ERC2: variants seen among roughly 807,000 people sequenced by gnomAD.
ERC2 encodes ELKS/RAB6-interacting/CAST family member 2, also known as ERC protein 2.
In ERC2, 42 loss-of-function variants were observed where a neutral mutation model predicts 114.8. The observed-to-expected ratio is 0.37, with a 90% confidence interval of 0.29 to 0.47. The LOEUF (loss-of-function observed/expected upper bound fraction) is 0.47. ERC2 is among the 20% of genes least tolerant of loss of function. The probability of loss-of-function intolerance (pLI) is 0.99; values close to 1 mark genes in which losing one functional copy is unlikely to be tolerated. For synonymous variants in ERC2, 454 were observed against 425.5 expected (o/e 1.07, Z -0.82); for missense variants, 939 against 1,150.7 (o/e 0.82, Z 2.66).
chr3:56,013,298 T>C (rs528220941), intron 8 of ERC2, among the ~76,000 whole-genome samples: 6 of 152,332 alleles, frequency 3.9e-5, no homozygotes, highest in African/African-American at 1.2e-4. Flanking sequence ...AATAATTAAA[T>C]GTACTTAAAA....
At chr3:56,194,124 A>G (rs1410721931) in intron 3 of ERC2, among the ~76,000 whole-genome samples, 1 of 152,186 alleles carries the variant, frequency 6.6e-6, no homozygotes, top group African/African-American at 2.4e-5. Context: ...TATCCCTAGC[A>G]TGTGACAAAT....
At chr3:56,206,191 A>G (rs1412979408) in intron 3 of ERC2, among the ~76,000 whole-genome samples, 1 of 100,034 alleles carries the variant, frequency 1.0e-5, no homozygotes, top group Non-Finnish European at 2.1e-5. Context: ...ACACACACAC[A>G]CACACACACA....
chr3:56,296,130 G>A lies in ERC2; in HGVS notation c.963C>T (p.Ser321=), dbSNP rs1224293026. The change falls in exon 3 of 18, where the codon AGC becomes AGT. Residue 321 remains serine (S), a synonymous_variant. Transcript: ENST00000288221. ...MLQSKGLPSK[S]LEDDNERTRR... is the part of the protein sequence containing the mutation. The stretch of plus-strand genomic sequence containing the variant: ...GCGTTCGCTCATTGTCATCCTCCAG[G>A]CTTTTGGATGGCAAGCCTTTACTTT... The A allele has an allele frequency of 3.7e-6, 6 of 1,613,962 alleles. No homozygotes were observed. The highest frequency in any genetic ancestry group is 1.7e-5 in the Admixed American group (1 of 60,022).
intron 4 of ERC2, among the ~76,000 whole-genome samples, chr3:56,165,781 GC>G (rs149679264): frequency 0.058 from 8,761 of 151,752 alleles, 420 homozygotes; most frequent in African/African-American, 0.13. Flanking sequence ...TAAAATACTG[GC>G]CAGCCATTTG....
chr3:56,164,368 T>C (rs560744528), intron 4 of ERC2, among the ~76,000 whole-genome samples: 1 of 152,184 alleles, frequency 6.6e-6, no homozygotes, highest in East Asian at 1.9e-4. Flanking sequence ...TCTGACTGAC[T>C]TCTTCCATTT....
intron 3 of ERC2, among the ~76,000 whole-genome samples, chr3:56,258,792 G>C (rs1354760280): frequency 6.6e-6 from 1 of 152,182 alleles, no homozygotes; most frequent in East Asian, 1.9e-4. Flanking sequence ...ATTCGAGATG[G>C]AGAAGCAGCA....
intron 14 of ERC2, among the ~76,000 whole-genome samples, chr3:55,825,436 T>C (rs1250463478): frequency 6.6e-6 from 1 of 152,240 alleles, no homozygotes; most frequent in Non-Finnish European, 1.5e-5. Flanking sequence ...TACAACACAA[T>C]GTCCAAATTT....
intron 3 of ERC2, among the ~76,000 whole-genome samples, chr3:56,212,129 AAAAGTAAT>A (rs1294213263): frequency 1.3e-5 from 2 of 152,200 alleles, no homozygotes; most frequent in Non-Finnish European, 2.9e-5. Context: ...TCTGTACAAC[AAAAGTAAT>A]AAAGAAAACA....
At chr3:56,151,609 G>A (rs1363286815) in intron 4 of ERC2, among the ~76,000 whole-genome samples, 1 of 152,178 alleles carries the variant, frequency 6.6e-6, no homozygotes, top group Non-Finnish European at 1.5e-5. Flanking sequence ...TGGCTGGCAT[G>A]TCTACCGCTT....
chr3:55,620,925 A>G (rs529579546), intron 17 of ERC2, among the ~76,000 whole-genome samples: 1 of 152,344 alleles, frequency 6.6e-6, no homozygotes, highest in South Asian at 2.1e-4. Flanking sequence ...ATTTAGGCCA[A>G]TTAAGATGCT....
Position 56,296,413 on chromosome 3 carries a change from G to C in ERC2, c.680C>G (p.Ala227Gly). 6.2e-7 allele frequency: 1 copy of C among 1,613,160 alleles called. No individual in the cohort carries two copies. The highest frequency in any genetic ancestry group is 8.5e-7 in the Non-Finnish European group (1 of 1,179,230). The change falls in exon 3 of 18, where the codon GCC becomes GGC. Residue 227 changes from alanine (A) to glycine (G), a missense_variant. Coordinates refer to ENST00000288221, the MANE Select transcript of ERC2 (RefSeq NM_015576.3). ...ENQHLQLTIQ[A>G]LQDELRTQRD... Reference sequence around the variant, plus strand: ...CTGGGTTCGCAGCTCATCTTGAAGGGCCTGGATTGTCAACTGTAGGTGCTG... The same window carrying C: ...CTGGGTTCGCAGCTCATCTTGAAGGCCCTGGATTGTCAACTGTAGGTGCTG...
intron 13 of ERC2, among the ~76,000 whole-genome samples, chr3:55,946,096 A>G (rs113425494): frequency 6.9e-6 from 1 of 145,678 alleles, no homozygotes; most frequent in African/African-American, 2.5e-5. Context: ...ATAAAAAAAT[A>G]AAAAAAAAAG....
chr3:55,909,405 A>G (rs1483065528), intron 13 of ERC2, among the ~76,000 whole-genome samples: 2 of 152,186 alleles, frequency 1.3e-5, no homozygotes, highest in African/African-American at 4.8e-5. Flanking sequence ...CTTTGTTCCC[A>G]AGAATCTGGG....
chr3:55,691,558 AAAAAAAAAAAAAAAAAT>A (rs1221408442), intron 16 of ERC2, among the ~76,000 whole-genome samples: 30 of 64,324 alleles, frequency 4.7e-4, no homozygotes, highest in Non-Finnish European at 6.5e-4. Context: ...AAAAAAAAAA[AAAAAAAAAAAAAAAAAT>A]ATATATATAT....
intron 2 of ERC2, among the ~76,000 whole-genome samples, chr3:56,309,268 A>AC (rs1260915466): frequency 6.6e-6 from 1 of 152,230 alleles, no homozygotes; most frequent in Non-Finnish European, 1.5e-5. Context: ...TGGGTTCCTC[A>AC]CCCACACACT....
intron 17 of ERC2, among the ~76,000 whole-genome samples, chr3:55,573,364 C>T (rs544166556): frequency 1.3e-5 from 2 of 152,216 alleles, no homozygotes; most frequent in Admixed American, 6.5e-5. Flanking sequence ...ACAGCAAGCA[C>T]TCAATAAATG....
At chr3:55,590,583 G>C (rs2057825136) in intron 17 of ERC2, among the ~76,000 whole-genome samples, 1 of 152,164 alleles carries the variant, frequency 6.6e-6, no homozygotes, top group South Asian at 2.1e-4. Context: ...TACACGAACT[G>C]ACCTGAAAGG....
At chr3:55,909,447 G>C (rs1411165778) in intron 13 of ERC2, among the ~76,000 whole-genome samples, 1 of 152,184 alleles carries the variant, frequency 6.6e-6, no homozygotes, top group Non-Finnish European at 1.5e-5. Flanking sequence ...TTGTCAGAAT[G>C]AGTTTGAATA....
At chr3:55,541,700 A>C (rs1008792992) in intron 17 of ERC2, among the ~76,000 whole-genome samples, 6 of 152,210 alleles carry the variant, frequency 3.9e-5, no homozygotes, top group Admixed American at 3.9e-4. Flanking sequence ...TATACACAGA[A>C]TCCAAAAATT....
Sources: allele counts gnomAD v4.1 joint callset (sites outside exome capture counted in the v4.1 genomes callset), GRCh38; gene constraint gnomAD v4.1.1; transcripts MANE v1.5; gene names NCBI Gene and HGNC (gene_info 2026-07-23, HGNC 2026-07-21).